The following SNCAIP variants were observed in gnomAD, a reference collection of about 807,000 sequenced individuals.
SNCAIP encodes synphilin-1.
Under a neutral mutation model 86.7 loss-of-function variants are expected in SNCAIP, and 43 were observed. The observed-to-expected ratio is 0.50, with a 90% CI of 0.39 to 0.64. The LOEUF is 0.64. Among genes scored for constraint, SNCAIP ranks in the 30% least tolerant of loss-of-function variants. SNCAIP has a pLI of 0.00. For missense variants in SNCAIP, 981 were observed against 1,103.1 expected (o/e 0.89, Z 1.57); for synonymous variants, 417 against 427.2 (o/e 0.98, Z 0.29).
chr5:122,415,993 A>G (rs1775235407), intron 3 of SNCAIP, among the ~76,000 whole-genome samples: 1 of 152,184 alleles, frequency 6.6e-6, no homozygotes. Context: ...TCTGCACCCC[A>G]CCAATTGCTG....
intron 8 of SNCAIP, among the ~76,000 whole-genome samples, chr5:122,445,670 AC>A (rs1472261774): frequency 2.0e-5 from 3 of 147,060 alleles, no homozygotes; most frequent in Non-Finnish European, 4.5e-5. Flanking sequence ...ACACACACAC[AC>A]ACATTTTTTT....
chr5:122,408,263 C>T (rs1488807195), intron 3 of SNCAIP, among the ~76,000 whole-genome samples: 1 of 152,172 alleles, frequency 6.6e-6, no homozygotes, highest in African/African-American at 2.4e-5. Flanking sequence ...CATATCTTTT[C>T]TGCTTTCCCA....
At chr5:122,376,171 T>A (rs1273353385) in intron 1 of SNCAIP, among the ~76,000 whole-genome samples, 1 of 152,068 alleles carries the variant, frequency 6.6e-6, no homozygotes, top group Non-Finnish European at 1.5e-5. Context: ...CTAGGATTGC[T>A]CCAAAGTTTA....
At chr5:122,431,833 A>G in intron 5 of SNCAIP, 136 bp from the exon 6 acceptor site, 1 of 689,764 alleles carries the variant, frequency 1.4e-6, no homozygotes, top group South Asian at 1.6e-5. Flanking sequence ...ATATCTTTAT[A>G]TCATAAATAA....
chr5:122,371,845 G>A (rs1271100502), intron 1 of SNCAIP: 1 of 152,228 alleles, frequency 6.6e-6, no homozygotes, highest in Non-Finnish European at 1.5e-5. Flanking sequence ...CCAACACAGT[G>A]GCTGGCTCAA....
intron 1 of SNCAIP, among the ~76,000 whole-genome samples, chr5:122,373,711 T>G (rs1764714983): frequency 6.6e-6 from 1 of 152,242 alleles, no homozygotes; most frequent in Non-Finnish European, 1.5e-5. Context: ...AATTGTTTAC[T>G]CTTCTGGTAT....
intron 1 of SNCAIP, among the ~76,000 whole-genome samples, chr5:122,353,946 A>T (rs1760462260): frequency 6.6e-6 from 1 of 152,176 alleles, no homozygotes; most frequent in Non-Finnish European, 1.5e-5. Flanking sequence ...AAGAAAGGCG[A>T]GCTCCTCCAG....
At chr5:122,321,858 A>G (rs552185907) in intron 1 of SNCAIP, 2 of 152,278 alleles carry the variant, frequency 1.3e-5, no homozygotes, top group East Asian at 3.9e-4. Context: ...GAGACTGTAT[A>G]CACCTTGTTT....
At chr5:122,415,053 T>C (rs1775010303) in intron 3 of SNCAIP, among the ~76,000 whole-genome samples, 1 of 152,236 alleles carries the variant, frequency 6.6e-6, no homozygotes, top group African/African-American at 2.4e-5. Context: ...ATTCTTAAAA[T>C]AGGTTTAAAT....
At chr5:122,388,163 T>C (rs1768604496) in intron 1 of SNCAIP, among the ~76,000 whole-genome samples, 1 of 152,208 alleles carries the variant, frequency 6.6e-6, no homozygotes, top group Non-Finnish European at 1.5e-5. Context: ...CCATGGGGAC[T>C]GCAGACCCCT....
chr5:122,403,938 C>G, intron 3 of SNCAIP, 73 bp downstream of exon 3: 1 of 1,088,782 alleles, frequency 9.2e-7, no homozygotes, highest in Non-Finnish European at 1.4e-6. Context: ...TGTTTTTCCT[C>G]ACACTGGTCC....
intron 1 of SNCAIP, among the ~76,000 whole-genome samples, chr5:122,385,380 G>A (rs1767892194): frequency 6.6e-6 from 1 of 151,946 alleles, no homozygotes; most frequent in Non-Finnish European, 1.5e-5. Flanking sequence ...AAAATTTCTT[G>A]CCTCTATCAT....
Position 122,350,686 on chromosome 5 carries a change from C to G in SNCAIP, c.-47+38402C>G, listed in dbSNP as rs533503352. The stretch of plus-strand genomic sequence containing the variant: ...TTTTTGTGCTTATATGGGCATGAAG[C>G]CTGGAGGTCACAGAACGTGTGTGGT... On this transcript the variant is annotated intron_variant, in intron 1 of 10. Coordinates refer to ENST00000261368, the MANE Select transcript of SNCAIP (RefSeq NM_005460.4). Among the ~76,000 whole-genome samples, 6 of 152,192 alleles carry G rather than the reference C, an allele frequency of 3.9e-5. No individual in the cohort carries two copies. The South Asian group carries it at 1.2e-3, about 32-fold the overall frequency.
chr5:122,382,417 T>A (rs1767047048), intron 1 of SNCAIP, among the ~76,000 whole-genome samples: 1 of 152,202 alleles, frequency 6.6e-6, no homozygotes, highest in African/African-American at 2.4e-5. Flanking sequence ...CACTTCTCTG[T>A]ATTGGTTATT....
intron 1 of SNCAIP, among the ~76,000 whole-genome samples, chr5:122,326,179 G>C (rs972352162): frequency 2.0e-5 from 3 of 152,090 alleles, no homozygotes; most frequent in African/African-American, 7.2e-5. Flanking sequence ...ATGATCCTTA[G>C]GAATGAATTT....
intron 1 of SNCAIP, among the ~76,000 whole-genome samples, chr5:122,382,616 G>A (rs1444781410): frequency 5.9e-5 from 9 of 152,180 alleles, no homozygotes; most frequent in African/African-American, 9.6e-5. Flanking sequence ...GAGGAGAGGC[G>A]CTCTGCGTTT....
chr5:122,315,254 G>A (rs1751466811), intron 1 of SNCAIP, among the ~76,000 whole-genome samples: 2 of 152,152 alleles, frequency 1.3e-5, no homozygotes, highest in East Asian at 3.9e-4. Flanking sequence ...TTACTTATAT[G>A]TCTGGCAGTT....
chr5:122,405,897 G>C (rs1275669104), intron 3 of SNCAIP, among the ~76,000 whole-genome samples: 1 of 152,136 alleles, frequency 6.6e-6, no homozygotes, highest in Admixed American at 6.5e-5. Context: ...TGAGGAGGAG[G>C]CCAGTTTCAA....
At chr5:122,401,227 C>T (rs1771748539) in intron 2 of SNCAIP, 5 of 1,156,712 alleles carry the variant, frequency 4.3e-6, no homozygotes, top group Non-Finnish European at 6.0e-6. Context: ...GATGGTAGCA[C>T]AATGCATACT....
Sources: allele counts gnomAD v4.1 joint callset (sites outside exome capture counted in the v4.1 genomes callset), GRCh38; gene constraint gnomAD v4.1.1; transcripts MANE v1.5; gene names NCBI Gene and HGNC (gene_info 2026-07-23, HGNC 2026-07-21).